LYRM4: variants seen among roughly 807,000 people sequenced by gnomAD.
LYRM4 encodes LYR motif containing 4.
LYRM4 carries 9 observed loss-of-function variants against 11.7 expected under a neutral mutation model. The ratio of observed to expected loss-of-function variants is 0.77; its 90% CI spans 0.46 to 1.34. LYRM4 has a LOEUF of 1.34. Among genes scored for constraint, LYRM4 ranks in the 40% most tolerant of loss-of-function variants. The pLI is 0.00. For synonymous variants in LYRM4, 42 were observed against 40.4 expected (o/e 1.04, Z -0.15); for missense variants, 133 against 112.5 (o/e 1.18, Z -0.82).
the LYRM4 span, among the ~76,000 whole-genome samples, chr6:5,072,005 C>A: frequency 6.6e-6 from 1 of 152,114 alleles, no homozygotes; most frequent in African/African-American, 2.4e-5. Flanking sequence ...ACTGACCCAG[C>A]GTGTGTTTTT....
chr6:5,257,250 C>T (rs530924392), intron 1 of LYRM4, among the ~76,000 whole-genome samples: 10 of 152,108 alleles, frequency 6.6e-5, no homozygotes, highest in South Asian at 2.1e-4. Context: ...TTCCTGTCAC[C>T]GCCCCCCCAA....
chr6:5,234,475 T>C (rs966796161), intron 1 of LYRM4, among the ~76,000 whole-genome samples: 1 of 152,196 alleles, frequency 6.6e-6, no homozygotes, highest in Non-Finnish European at 1.5e-5. Context: ...CTCTATTTTA[T>C]AACAGGAGTA....
At chr6:5,086,681 G>T in the LYRM4 span, 1 of 824,492 alleles carries the variant, frequency 1.2e-6, no homozygotes, top group South Asian at 1.8e-5. Flanking sequence ...CGTGAGGGGC[G>T]CGTGGAGGGA....
At chr6:5,081,831 T>C in the LYRM4 span, among the ~76,000 whole-genome samples, 1 of 152,192 alleles carries the variant, frequency 6.6e-6, no homozygotes, top group African/African-American at 2.4e-5. Context: ...AGCCTCAAGA[T>C]GGGCTGGGTA....
intron 2 of LYRM4, among the ~76,000 whole-genome samples, chr6:5,167,107 G>A (rs1759130112): frequency 6.6e-6 from 1 of 152,144 alleles, no homozygotes; most frequent in African/African-American, 2.4e-5. Context: ...CCCATCATGA[G>A]GCTTGAGGCA....
intron 2 of LYRM4, chr6:5,144,360 G>A (rs71555878): frequency 1.0e-5 from 14 of 1,380,658 alleles, no homozygotes; most frequent in South Asian, 2.5e-5. Flanking sequence ...AGGTGAGGCC[G>A]GGTGCGGTGG....
intron 1 of LYRM4, among the ~76,000 whole-genome samples, chr6:5,254,267 G>A (rs1442623760): frequency 1.3e-5 from 2 of 152,120 alleles, no homozygotes; most frequent in African/African-American, 2.4e-5. Flanking sequence ...CTGACTTCTC[G>A]CTAACCAACT....
At chr6:5,252,848 C>G (rs1764497861) in intron 1 of LYRM4, among the ~76,000 whole-genome samples, 1 of 152,170 alleles carries the variant, frequency 6.6e-6, no homozygotes. Context: ...GAGACTCACA[C>G]ATACCTTGAC....
At chr6:5,197,419 A>G (rs1360991242) in intron 2 of LYRM4, among the ~76,000 whole-genome samples, 2 of 152,192 alleles carry the variant, frequency 1.3e-5, no homozygotes. Flanking sequence ...CATGCCTGTA[A>G]TCCCAGCGCT....
At chr6:5,123,547 A>T (rs1402959447) in intron 2 of LYRM4, among the ~76,000 whole-genome samples, 1 of 152,242 alleles carries the variant, frequency 6.6e-6, no homozygotes, top group Non-Finnish European at 1.5e-5. Flanking sequence ...ACGTTCAGGC[A>T]GCATGCCCTG....
intron 2 of LYRM4, among the ~76,000 whole-genome samples, chr6:5,126,324 G>C (rs993066977): frequency 6.6e-6 from 1 of 152,194 alleles, no homozygotes; most frequent in Non-Finnish European, 1.5e-5. Context: ...ATAATGCTCA[G>C]GGGAATGGAA....
At chr6:5,054,830 G>A in the LYRM4 span, among the ~76,000 whole-genome samples, 1 of 152,156 alleles carries the variant, frequency 6.6e-6, no homozygotes. Flanking sequence ...CTCTGGTATG[G>A]AATCACATGA....
the LYRM4 span, chr6:5,085,935 G>C: frequency 2.0e-6 from 3 of 1,527,880 alleles, no homozygotes; most frequent in South Asian, 1.2e-5. Context: ...ACTTCAGCGA[G>C]GCGGAGGAGC....
chr6:5,178,026 C>G (rs1759822010), intron 2 of LYRM4, among the ~76,000 whole-genome samples: 1 of 152,012 alleles, frequency 6.6e-6, no homozygotes, highest in South Asian at 2.1e-4. Context: ...TATTTAATTA[C>G]TTGTGAGAAT....
At chr6:5,218,901 C>A (rs1762428059) in intron 1 of LYRM4, among the ~76,000 whole-genome samples, 1 of 152,252 alleles carries the variant, frequency 6.6e-6, no homozygotes, top group East Asian at 1.9e-4. Flanking sequence ...AACACAGCAT[C>A]ACTGTTCTTC....
chr6:5,101,238 G>C (rs1762490249), downstream of LYRM4, among the ~76,000 whole-genome samples: 1 of 152,134 alleles, frequency 6.6e-6, no homozygotes, highest in South Asian at 2.1e-4. Flanking sequence ...CTCTCCCAGG[G>C]AATTTACAGA....
intron 1 of LYRM4, among the ~76,000 whole-genome samples, chr6:5,252,275 C>A (rs1444033718): frequency 2.6e-5 from 4 of 152,172 alleles, no homozygotes; most frequent in South Asian, 2.1e-4. Flanking sequence ...GAAGCGGCAG[C>A]CCACGGGGAG....
At chr6:5,062,427 G>A in the LYRM4 span, among the ~76,000 whole-genome samples, 1 of 151,854 alleles carries the variant, frequency 6.6e-6, no homozygotes, top group Non-Finnish European at 1.5e-5. Context: ...GCCTCCCAAA[G>A]TGCTGAGAGC....
the LYRM4 span, chr6:5,034,086 G>C: frequency 6.6e-6 from 1 of 152,364 alleles, no homozygotes; most frequent in African/African-American, 2.4e-5. Flanking sequence ...CAGGCACGGT[G>C]CTGAAGTGCT....
Sources: allele counts gnomAD v4.1 joint callset (sites outside exome capture counted in the v4.1 genomes callset), GRCh38; gene constraint gnomAD v4.1.1; transcripts MANE v1.5; gene names NCBI Gene and HGNC (gene_info 2026-07-23, HGNC 2026-07-21).